Variants in GPC6 observed in about 807,000 individuals in gnomAD.
The protein encoded by GPC6 is glypican-6.
In GPC6, 14 loss-of-function variants were observed where a neutral mutation model predicts 55.2. That is an observed-to-expected ratio of 0.25 (90% CI 0.17 to 0.40). The LOEUF is 0.40. Ranked by LOEUF, GPC6 falls within the 10% of genes least tolerant of loss-of-function variation. The pLI, the probability that GPC6 is intolerant of heterozygous loss-of-function variation, is 1.00. For synonymous variants in GPC6, 278 were observed against 259.6 expected (o/e 1.07, Z -0.68); for missense variants, 641 against 708.5 (o/e 0.90, Z 1.08).
At chr13:93,360,821 A>C (rs558734891) in intron 1 of GPC6, among the ~76,000 whole-genome samples, 2 of 152,194 alleles carry the variant, frequency 1.3e-5, no homozygotes, top group African/African-American at 2.4e-5. Context: ...AGTTATTTCT[A>C]TCCTTCTTCC....
At position 93,309,628 on chromosome 13, in the gene GPC6, T is replaced by C. The variant is rs191257790; in HGVS notation, c.160+82012T>C. 2.4e-4 allele frequency among the ~76,000 whole-genome samples: 37 copies of C among 152,300 alleles called. No individual in the cohort carries two copies. In the East Asian group the frequency reaches 7.2e-3, roughly 29 times the overall value. ...AAACATAGTCATACAGCAAGTATAT[T>C]AACTTGGGAAAAACATACAGAAACA... On this transcript the variant is annotated intron_variant, in intron 1 of 8. Coordinates refer to ENST00000377047, the MANE Select transcript of GPC6 (RefSeq NM_005708.5).
At chr13:94,355,743 C>T (rs1878763564) in intron 6 of GPC6, among the ~76,000 whole-genome samples, 1 of 152,242 alleles carries the variant, frequency 6.6e-6, no homozygotes, top group East Asian at 1.9e-4. Flanking sequence ...TTCACTTTAG[C>T]ACATGCCATG....
At chr13:94,273,733 C>T (rs1266905642) in intron 4 of GPC6, among the ~76,000 whole-genome samples, 2 of 152,110 alleles carry the variant, frequency 1.3e-5, no homozygotes, top group African/African-American at 4.8e-5. Context: ...TGGGTTGGTC[C>T]AAATTAATCC....
chr13:93,609,051 A>T (rs1878356727), intron 2 of GPC6, among the ~76,000 whole-genome samples: 2 of 152,194 alleles, frequency 1.3e-5, no homozygotes, highest in African/African-American at 4.8e-5. Flanking sequence ...ACTAAAGCGT[A>T]ATCCTAGATT....
intron 6 of GPC6, among the ~76,000 whole-genome samples, chr13:94,336,594 G>A (rs1383280464): frequency 6.6e-6 from 1 of 152,136 alleles, no homozygotes; most frequent in Non-Finnish European, 1.5e-5. Context: ...CCAGGATGGA[G>A]AACCTTTCTG....
intron 4 of GPC6, among the ~76,000 whole-genome samples, chr13:94,058,575 A>G (rs902220851): frequency 3.9e-5 from 6 of 152,166 alleles, no homozygotes; most frequent in Admixed American, 1.3e-4. Context: ...CCAAGTTTGG[A>G]CGAACTACAT....
chr13:94,007,919 A>G (rs969948851), intron 3 of GPC6, among the ~76,000 whole-genome samples: 15 of 152,178 alleles, frequency 9.9e-5, no homozygotes. Context: ...AGTCACTTAA[A>G]AAAAGGAGAA....
intron 4 of GPC6, among the ~76,000 whole-genome samples, chr13:94,088,140 G>T (rs1226334114): frequency 1.3e-5 from 2 of 152,094 alleles, no homozygotes; most frequent in Non-Finnish European, 2.9e-5. Flanking sequence ...GAGGCTAGCA[G>T]GAACCTAAGT....
intron 3 of GPC6, among the ~76,000 whole-genome samples, chr13:93,895,923 G>C (rs1375939485): frequency 6.6e-6 from 1 of 152,020 alleles, no homozygotes; most frequent in Admixed American, 6.6e-5. Context: ...GTTGGTTTAA[G>C]GGTACAAAAG....
rs554484843 is a variant in GPC6, at chr13:94,402,825, C to T, written c.1466-190C>T. On this transcript the variant is annotated intron_variant, in intron 8 of 8. Transcript: ENST00000377047. Reference sequence around the variant, plus strand: ...AGCCCCTTAAAAAACCATCAGATCTCGTGAGAACTCACTCACTATCACGAG... The same window carrying T: ...AGCCCCTTAAAAAACCATCAGATCTTGTGAGAACTCACTCACTATCACGAG... Among the ~76,000 whole-genome samples, 7 of 152,232 alleles carry T rather than the reference C, an allele frequency of 4.6e-5. No individual in the cohort carries two copies. In the South Asian group the frequency reaches 1.2e-3, roughly 27 times the overall value.
intron 3 of GPC6, among the ~76,000 whole-genome samples, chr13:93,869,671 A>G (rs573605926): frequency 1.3e-5 from 2 of 151,974 alleles, no homozygotes; most frequent in South Asian, 2.1e-4. Context: ...ATGGATGTCC[A>G]TGCATCTGAA....
chr13:93,232,850 C>T (rs990836868), intron 1 of GPC6, among the ~76,000 whole-genome samples: 5 of 152,002 alleles, frequency 3.3e-5, no homozygotes, highest in African/African-American at 1.2e-4. Context: ...TTAGGGTAAA[C>T]ATTATAATAA....
intron 4 of GPC6, among the ~76,000 whole-genome samples, chr13:94,089,022 A>C (rs1268482355): frequency 6.6e-6 from 1 of 152,148 alleles, no homozygotes; most frequent in Non-Finnish European, 1.5e-5. Flanking sequence ...TTCAGGCTTA[A>C]TCGGTTTTAT....
At chr13:93,393,345 G>T (rs1211719708) in intron 1 of GPC6, among the ~76,000 whole-genome samples, 2 of 151,668 alleles carry the variant, frequency 1.3e-5, no homozygotes, top group Admixed American at 1.3e-4. Context: ...TCACCATGTT[G>T]GCCAGCCTAG....
At chr13:93,380,048 G>C (rs1431632560) in intron 1 of GPC6, among the ~76,000 whole-genome samples, 1 of 151,490 alleles carries the variant, frequency 6.6e-6, no homozygotes, top group Non-Finnish European at 1.5e-5. Context: ...TTTTTCAGTG[G>C]GAAAATGCTG....
chr13:93,704,234 G>A (rs1361031735), intron 2 of GPC6, among the ~76,000 whole-genome samples: 1 of 151,754 alleles, frequency 6.6e-6, no homozygotes. Flanking sequence ...TCTGATGTGG[G>A]CATATATTTG....
At chr13:93,539,521 G>A (rs1488039732) in intron 1 of GPC6, among the ~76,000 whole-genome samples, 1 of 151,968 alleles carries the variant, frequency 6.6e-6, no homozygotes, top group Non-Finnish European at 1.5e-5. Context: ...CCATAGAGTC[G>A]GGCTCACGCG....
intron 4 of GPC6, among the ~76,000 whole-genome samples, chr13:94,157,019 G>A (rs1328604892): frequency 6.6e-6 from 1 of 152,180 alleles, no homozygotes; most frequent in Non-Finnish European, 1.5e-5. Context: ...AGCTGTGTTA[G>A]AAGCTATGGG....
intron 1 of GPC6, among the ~76,000 whole-genome samples, chr13:93,302,702 C>T (rs1878723504): frequency 6.6e-6 from 1 of 152,078 alleles, no homozygotes; most frequent in African/African-American, 2.4e-5. Flanking sequence ...ACACCTGTAG[C>T]AGAAGTTTAA....
Sources: allele counts gnomAD v4.1 joint callset (sites outside exome capture counted in the v4.1 genomes callset), GRCh38; gene constraint gnomAD v4.1.1; transcripts MANE v1.5; gene names NCBI Gene and HGNC (gene_info 2026-07-23, HGNC 2026-07-21).